Variants in ARB2A observed in about 807,000 individuals in gnomAD.
ARB2A encodes the protein cotranscriptional regulator ARB2A.
At chr5:93,827,384 T>C in the ARB2A span, among the ~76,000 whole-genome samples, 2 of 152,232 alleles carry the variant, frequency 1.3e-5, no homozygotes. Flanking sequence ...TTTGGCTGCA[T>C]AAATGTCTTC....
At chr5:93,821,469 C>T in the ARB2A span, among the ~76,000 whole-genome samples, 1 of 151,982 alleles carries the variant, frequency 6.6e-6, no homozygotes, top group Admixed American at 6.6e-5. Context: ...TTAATCTTGA[C>T]AATTTACTTG....
chr5:93,906,137 C>T, the ARB2A span, among the ~76,000 whole-genome samples: 2 of 151,426 alleles, frequency 1.3e-5, no homozygotes, highest in Non-Finnish European at 3.0e-5. Context: ...CATATTTGCT[C>T]TCTTAAAAGA....
chr5:94,017,502 C>T, the ARB2A span, among the ~76,000 whole-genome samples: 2 of 152,126 alleles, frequency 1.3e-5, no homozygotes, highest in South Asian at 2.1e-4. Context: ...GAATTTATTA[C>T]TGGAATGGAT....
At chr5:93,917,977 A>C in the ARB2A span, among the ~76,000 whole-genome samples, 1 of 152,152 alleles carries the variant, frequency 6.6e-6, no homozygotes, top group South Asian at 2.1e-4. Flanking sequence ...TTCAAGACTC[A>C]GCCCTCAACC....
At chr5:93,843,535 A>G in the ARB2A span, among the ~76,000 whole-genome samples, 5 of 149,876 alleles carry the variant, frequency 3.3e-5, no homozygotes, top group Non-Finnish European at 7.4e-5. Context: ...GTGATCCTCC[A>G]GCCTTAGCCT....
At chr5:94,058,188 A>T in the ARB2A span, among the ~76,000 whole-genome samples, 1 of 152,152 alleles carries the variant, frequency 6.6e-6, no homozygotes, top group African/African-American at 2.4e-5. Context: ...AAAAAGATAC[A>T]AATATTATAA....
At chr5:93,641,223 C>T in the ARB2A span, among the ~76,000 whole-genome samples, 34 of 151,384 alleles carry the variant, frequency 2.2e-4, no homozygotes, top group African/African-American at 8.2e-4. Context: ...AATTATGAGG[C>T]CATGAAAGTT....
the ARB2A span, among the ~76,000 whole-genome samples, chr5:93,656,918 C>G: frequency 2.6e-5 from 4 of 152,096 alleles, no homozygotes; most frequent in Non-Finnish European, 5.9e-5. Flanking sequence ...CCACCCATGT[C>G]TTTTTCATTT....
chr5:93,998,797 A>T, the ARB2A span, among the ~76,000 whole-genome samples: 2 of 152,044 alleles, frequency 1.3e-5, no homozygotes. Flanking sequence ...ACCTGTAGGA[A>T]ATTCACAATA....
chr5:93,970,914 A>G, the ARB2A span, among the ~76,000 whole-genome samples: 1 of 152,202 alleles, frequency 6.6e-6, no homozygotes, highest in Non-Finnish European at 1.5e-5. Context: ...TTATCACACT[A>G]CAATGTATCA....
chr5:93,931,613 T>G, the ARB2A span, among the ~76,000 whole-genome samples: 10 of 152,210 alleles, frequency 6.6e-5, no homozygotes, highest in African/African-American at 1.2e-4. Flanking sequence ...AGCCAATATT[T>G]TTTCTAGTTA....
At chr5:94,060,591 A>G in the ARB2A span, among the ~76,000 whole-genome samples, 3 of 152,200 alleles carry the variant, frequency 2.0e-5, no homozygotes, top group Non-Finnish European at 4.4e-5. Flanking sequence ...CTTAAAAATA[A>G]ATTGGTACCA....
chr5:93,851,640 T>C, the ARB2A span, among the ~76,000 whole-genome samples: 1 of 152,150 alleles, frequency 6.6e-6, no homozygotes, highest in Non-Finnish European at 1.5e-5. Context: ...AGTGTGATGT[T>C]CCCCTTCCTG....
chr5:93,779,163 T>A, the ARB2A span, among the ~76,000 whole-genome samples: 1 of 151,836 alleles, frequency 6.6e-6, no homozygotes, highest in African/African-American at 2.4e-5. Flanking sequence ...GTGGCATTTT[T>A]ACCCCAAAAA....
the ARB2A span, among the ~76,000 whole-genome samples, chr5:93,653,698 G>T: frequency 6.6e-6 from 1 of 152,042 alleles, no homozygotes; most frequent in Non-Finnish European, 1.5e-5. Context: ...GGCACTACTG[G>T]TTTCACAGAA....
chr5:93,731,259 G>A, the ARB2A span, among the ~76,000 whole-genome samples: 3 of 152,172 alleles, frequency 2.0e-5, no homozygotes, highest in South Asian at 6.2e-4. Flanking sequence ...GTTAAAATGA[G>A]GTCATTAGGG....
chr5:93,800,322 CAT>C, the ARB2A span, among the ~76,000 whole-genome samples: 5 of 151,264 alleles, frequency 3.3e-5, no homozygotes, highest in Non-Finnish European at 7.4e-5. Flanking sequence ...TTAAATTACT[CAT>C]GTTAAAAATC....
chr5:93,956,631 G>T, the ARB2A span, among the ~76,000 whole-genome samples: 2 of 148,034 alleles, frequency 1.4e-5, no homozygotes, highest in African/African-American at 5.0e-5. Context: ...TAAAACTTTA[G>T]AAAAAGTCCA....
chr5:94,108,027 TC>T, the ARB2A span, among the ~76,000 whole-genome samples: 71 of 152,296 alleles, frequency 4.7e-4, no homozygotes, highest in East Asian at 0.013. Flanking sequence ...CTATTACTGA[TC>T]TTTGCCACTC....
Sources: allele counts gnomAD v4.1 joint callset (sites outside exome capture counted in the v4.1 genomes callset), GRCh38; gene constraint gnomAD v4.1.1; transcripts MANE v1.5; gene names NCBI Gene and HGNC (gene_info 2026-07-23, HGNC 2026-07-21).